The following ERP44 variants were observed in gnomAD, a reference collection of about 807,000 sequenced individuals.
ERP44 encodes endoplasmic reticulum resident protein 44.
ERP44 carries 25 observed loss-of-function variants against 53.4 expected under a neutral mutation model. That is an observed-to-expected ratio of 0.47 (90% confidence interval 0.34 to 0.65). The LOEUF (loss-of-function observed/expected upper bound fraction) is 0.65. ERP44 is among the 30% of genes least tolerant of loss of function. ERP44 has a pLI of 0.01. For missense variants in ERP44, 338 were observed against 493.2 expected, an observed-to-expected ratio of 0.69 and a Z score of 2.98; for synonymous variants, 145 against 161.2, an observed-to-expected ratio of 0.90 and a Z score of 0.76.
At chr9:100,074,001 ACTG>A (rs1826332022) in intron 1 of ERP44, among the ~76,000 whole-genome samples, 1 of 152,244 alleles carries the variant, frequency 6.6e-6, no homozygotes, top group Admixed American at 6.5e-5. Flanking sequence ...TTCCAAAAAT[ACTG>A]CTCTAAAGAC....
At chr9:100,093,923 G>T (rs1826593128) in intron 1 of ERP44, among the ~76,000 whole-genome samples, 1 of 152,168 alleles carries the variant, frequency 6.6e-6, no homozygotes. Context: ...TACATTGTTG[G>T]TGAGGTCATA....
intron 8 of ERP44, 42 bp from the exon 9 acceptor site, chr9:100,007,731 A>G (rs1830435829): frequency 9.6e-7 from 1 of 1,037,722 alleles, no homozygotes; most frequent in Non-Finnish European, 1.5e-6. Context: ...AGGCTTCTCC[A>G]TTCAGTTGTA....
chr9:100,027,062 A>T (rs1830661117), intron 4 of ERP44, among the ~76,000 whole-genome samples: 1 of 152,206 alleles, frequency 6.6e-6, no homozygotes, highest in African/African-American at 2.4e-5. Context: ...GACGGACTCT[A>T]GAGGGTCTTA....
At chr9:100,069,367 T>C (rs1826274623) in intron 1 of ERP44, among the ~76,000 whole-genome samples, 1 of 152,100 alleles carries the variant, frequency 6.6e-6, no homozygotes, top group African/African-American at 2.4e-5. Context: ...GTATATATAT[T>C]TGTAAGTGCC....
intron 10 of ERP44, chr9:99,998,873 T>C: frequency 6.5e-7 from 1 of 1,547,694 alleles, no homozygotes; most frequent in Non-Finnish European, 8.9e-7. Flanking sequence ...AGCAATGAGC[T>C]CTCTTGTCTT....
chr9:100,065,246 C>T (rs1826197114), intron 1 of ERP44, among the ~76,000 whole-genome samples: 1 of 152,102 alleles, frequency 6.6e-6, no homozygotes, highest in African/African-American at 2.4e-5. Context: ...ATTACAATTA[C>T]CTACAATATT....
At chr9:99,986,727 C>T (rs544693993) in intron 10 of ERP44, among the ~76,000 whole-genome samples, 6 of 152,278 alleles carry the variant, frequency 3.9e-5, no homozygotes, top group African/African-American at 1.4e-4. Flanking sequence ...CAGAGACCAG[C>T]AGGTGCCAAA....
intron 4 of ERP44, among the ~76,000 whole-genome samples, chr9:100,032,565 T>G (rs1415469658): frequency 6.6e-6 from 1 of 152,220 alleles, no homozygotes; most frequent in Non-Finnish European, 1.5e-5. Flanking sequence ...TACTGGTATG[T>G]GTTCTAAAAT....
intron 1 of ERP44, among the ~76,000 whole-genome samples, chr9:100,084,152 A>C (rs1379418751): frequency 9.2e-5 from 14 of 152,218 alleles, no homozygotes; most frequent in Admixed American, 9.2e-4. Flanking sequence ...AAGCTACTCC[A>C]ACCTAGGGAA....
intron 6 of ERP44, among the ~76,000 whole-genome samples, chr9:100,020,187 C>T (rs1323291938): frequency 6.6e-6 from 1 of 151,982 alleles, no homozygotes; most frequent in Non-Finnish European, 1.5e-5. Flanking sequence ...AGAATTGTTC[C>T]CCTGAGACAG....
chr9:100,058,475 A>G (rs1826109184), intron 2 of ERP44, among the ~76,000 whole-genome samples: 1 of 152,240 alleles, frequency 6.6e-6, no homozygotes, highest in African/African-American at 2.4e-5. Flanking sequence ...AATGATCTGT[A>G]TTTTATTTTT....
At chr9:100,044,932 A>G (rs986213096) in intron 4 of ERP44, among the ~76,000 whole-genome samples, 2 of 152,192 alleles carry the variant, frequency 1.3e-5, no homozygotes, top group African/African-American at 4.8e-5. Context: ...GTTTTTATTC[A>G]GAAATGGGCG....
At chr9:100,005,633 G>A (rs867721574) in intron 10 of ERP44, among the ~76,000 whole-genome samples, 6 of 152,146 alleles carry the variant, frequency 3.9e-5, no homozygotes, top group Non-Finnish European at 7.4e-5. Flanking sequence ...GGAGGTAAGT[G>A]ACTTTCCCAA....
intron 10 of ERP44, among the ~76,000 whole-genome samples, chr9:99,994,842 G>A (rs1830294407): frequency 6.6e-6 from 1 of 152,166 alleles, no homozygotes; most frequent in African/African-American, 2.4e-5. Context: ...TAGCTATTCT[G>A]GTTTAACCTT....
intron 10 of ERP44, among the ~76,000 whole-genome samples, chr9:99,991,186 T>C (rs1830250448): frequency 6.6e-6 from 1 of 152,080 alleles, no homozygotes; most frequent in Admixed American, 6.6e-5. Flanking sequence ...TCTACAGAAC[T>C]CTCCACCCCA....
intron 3 of ERP44, among the ~76,000 whole-genome samples, chr9:100,056,770 T>G (rs1475188909): frequency 1.3e-5 from 2 of 152,112 alleles, no homozygotes; most frequent in Non-Finnish European, 2.9e-5. Flanking sequence ...CAGAATTTTA[T>G]AGGAATTGAA....
chr9:100,068,963 G>T (rs867672718), intron 1 of ERP44, among the ~76,000 whole-genome samples: 55 of 152,234 alleles, frequency 3.6e-4, no homozygotes, highest in Admixed American at 5.2e-4. Context: ...TTCTTCTGCC[G>T]TGGGATCCTG....
intron 4 of ERP44, among the ~76,000 whole-genome samples, chr9:100,049,056 A>C (rs925019307): frequency 6.6e-5 from 10 of 152,178 alleles, no homozygotes; most frequent in African/African-American, 1.9e-4. Flanking sequence ...GAATGGGCGA[A>C]AATATTTGCA....
chr9:100,094,575 T>C (rs1157601341), intron 1 of ERP44, among the ~76,000 whole-genome samples: 3 of 152,004 alleles, frequency 2.0e-5, no homozygotes, highest in Admixed American at 6.6e-5. Context: ...GGAGAATCAC[T>C]TGAACCCAGG....
Sources: gnomAD v4.1 joint callset for allele counts (sites outside exome capture counted in the v4.1 genomes callset) on GRCh38, gnomAD v4.1.1 for gene constraint, MANE v1.5 for transcripts, NCBI Gene and HGNC (gene_info 2026-07-23, HGNC 2026-07-21) for gene names.